Variants in TSHZ1 observed in about 807,000 individuals in gnomAD.
TSHZ1 encodes teashirt zinc finger homeobox 1.
In TSHZ1, 12 loss-of-function variants were observed where a neutral mutation model predicts 67.1. The observed-to-expected ratio is 0.18, with a 90% CI of 0.11 to 0.29. The LOEUF is 0.29. Ranked by LOEUF, TSHZ1 falls within the 10% of genes least tolerant of loss-of-function variation. The probability of loss-of-function intolerance (pLI) is 1.00; values close to 1 mark genes in which losing one functional copy is unlikely to be tolerated. For synonymous variants in TSHZ1, 632 were observed against 622.4 expected (o/e 1.02, Z -0.23); for missense variants, 1,305 against 1,413.9 (o/e 0.92, Z 1.23).
At position 75,288,117 on chromosome 18, in the gene TSHZ1, T is replaced by A; in HGVS notation, c.2710T>A (p.Phe904Ile). 6.2e-7 allele frequency: 1 copy of A among 1,613,786 alleles called. No homozygotes were observed. The highest frequency in any genetic ancestry group is 2.2e-5 in the East Asian group (1 of 44,878). ...GCACCTTCTCATCCTGCAGGCCCAG[T>A]TCGCCTCGAGCTTGCGGGAGACCAC... ...PQHLLILQAQFASSLRETTEG... is the reference protein window; with the variant it reads ...PQHLLILQAQIASSLRETTEG... The change falls in exon 2 of 2, where the codon TTC (phenylalanine) becomes ATC (isoleucine). Residue 904 changes from phenylalanine to isoleucine, a missense_variant. Physicochemically the swap from Phe to Ile is conservative, Grantham distance 21. Around this residue, in one of 3 missense-constraint regions of TSHZ1, gnomAD observed 909 missense variants for 961.8 expected, o/e 0.95. Transcript: ENST00000580243. This position sits in a 1 kb window ranked among gnomAD's most constrained non-coding sequence, Gnocchi z 4.9.
At chr18:75,213,623 A>T (rs982681467) in intron 1 of TSHZ1, among the ~76,000 whole-genome samples, 8 of 147,670 alleles carry the variant, frequency 5.4e-5, no homozygotes, top group Non-Finnish European at 1.1e-4. Context: ...TAAATACCAC[A>T]TTTTTTTTTT....
chr18:75,249,271 C>T (rs1173441613), intron 1 of TSHZ1, among the ~76,000 whole-genome samples: 1 of 152,170 alleles, frequency 6.6e-6, no homozygotes, highest in African/African-American at 2.4e-5. Context: ...GGTTGAGAGC[C>T]CTGGGTGCCT....
chr18:75,265,936 G>A (rs2023485565), intron 1 of TSHZ1, among the ~76,000 whole-genome samples: 1 of 152,158 alleles, frequency 6.6e-6, no homozygotes, highest in South Asian at 2.1e-4. Context: ...TTGGGAATCA[G>A]TTTACAAAAG....
intron 1 of TSHZ1, among the ~76,000 whole-genome samples, chr18:75,279,482 C>G (rs78094272): frequency 6.6e-6 from 1 of 152,132 alleles, no homozygotes; most frequent in Non-Finnish European, 1.5e-5. Flanking sequence ...AGCCGCCGGC[C>G]CTCCTGTTTG....
At chr18:75,250,008 C>T (rs1247695839) in intron 1 of TSHZ1, among the ~76,000 whole-genome samples, 1 of 148,660 alleles carries the variant, frequency 6.7e-6, no homozygotes, top group Non-Finnish European at 1.5e-5. Flanking sequence ...CTCACCCCTG[C>T]AGTAGGTGGA....
intron 1 of TSHZ1, among the ~76,000 whole-genome samples, chr18:75,224,061 TA>T (rs11347694): frequency 0.87 from 102,342 of 117,786 alleles, 45,050 homozygotes; most frequent in East Asian, 0.98. Flanking sequence ...TTTAAACTTG[TA>T]AAAAAAAAAA....
chr18:75,211,996 G>A, intron 1 of TSHZ1, 80 bp downstream of exon 1: 6 of 1,103,252 alleles, frequency 5.4e-6, no homozygotes, highest in Non-Finnish European at 5.7e-6. Context: ...CCGAGGTGCG[G>A]GACGTGGGCC....
At position 75,247,793 on chromosome 18, in the gene TSHZ1, G is replaced by A. The variant is rs555191126; in HGVS notation, c.40+35877G>A. On this transcript the variant is annotated intron_variant, in intron 1 of 1. Coordinates refer to ENST00000580243, the MANE Select transcript of TSHZ1 (RefSeq NM_001308210.2). ...CACAGCTTTGTCCTTCTTTTGAAGTGTGAAAAATATCAGTGACCTTATCAT... is the reference window on the plus strand; with the variant it reads ...CACAGCTTTGTCCTTCTTTTGAAGTATGAAAAATATCAGTGACCTTATCAT... Among the ~76,000 whole-genome samples the A allele has an allele frequency of 3.3e-5, 5 of 151,730 alleles. No individual in the cohort carries two copies. In the East Asian group the frequency reaches 7.8e-4, roughly 24 times the overall value.
rs184252974 is a variant in TSHZ1 at position 75,285,231 on chromosome 18, T to A, written c.41-217T>A. The A allele has an allele frequency of 1.2e-4, 53 of 428,406 alleles. No individual in the cohort carries two copies. In the East Asian group the frequency reaches 1.8e-3, roughly 15 times the overall value. 26.5% of individuals were successfully genotyped at this position (428,406 alleles called of 1,614,324 possible). ...TTGGGACGAGCACAGGACATCATCC[T>A]CCAGCTCAGTCCCCTTTGCTAAAGA... On this transcript the variant is annotated intron_variant, in intron 1 of 1. Coordinates refer to ENST00000580243, the MANE Select transcript of TSHZ1 (RefSeq NM_001308210.2).
rs780689297 is a variant in TSHZ1 at position 75,286,079 on chromosome 18, C to T, written c.672C>T (p.Ser224=). 8 of 1,612,698 alleles carry T rather than the reference C, an allele frequency of 5.0e-6. No homozygotes were observed. The African/African-American group carries it at 8.0e-5, about 16-fold the overall frequency. Residue 224 remains serine, a synonymous_variant, in exon 2 of 2, where the codon AGC becomes AGT. Transcript: ENST00000580243. The surrounding 1 kb of genome is among the most constrained non-coding windows in gnomAD (Gnocchi z 5.1). ...YGLLPEPSLF[S]TVQLYRQNNK... ...TGCTTCCTGAGCCCAGCCTGTTCAG[C>T]ACCGTGCAGCTCTACCGCCAGAACA...
At chr18:75,217,706 G>A (rs1396082704) in intron 1 of TSHZ1, among the ~76,000 whole-genome samples, 1 of 152,144 alleles carries the variant, frequency 6.6e-6, no homozygotes. Context: ...TTATGTATAT[G>A]GGTTTCTACC....
Position 75,285,892 on chromosome 18 carries a change from C to T in TSHZ1, c.485C>T (p.Thr162Ile). The change falls in exon 2 of 2, where the codon ACC becomes ATC. Residue 162 changes from threonine to isoleucine, a missense_variant. Transcript: ENST00000580243. ...ESSAPTPTPPTCPVSTTGPTT... is the reference protein window; with the variant it reads ...ESSAPTPTPPICPVSTTGPTT... ...TCCGCCCCCACCCCCACACCCCCCA[C>T]CTGCCCCGTCAGCACCACTGGCCCC... The T allele has an allele frequency of 6.5e-7, 1 of 1,537,038 alleles. No homozygotes were observed. Among genetic ancestry groups the T allele is most frequent in the South Asian group, 1.2e-5 (1 of 83,056 alleles).
chr18:75,247,329 G>A (rs922861263), intron 1 of TSHZ1, among the ~76,000 whole-genome samples: 3 of 152,142 alleles, frequency 2.0e-5, no homozygotes, highest in Admixed American at 6.5e-5. Flanking sequence ...CTCCTGCCAG[G>A]GGGGGCTGTG....
In TSHZ1 at chr18:75,286,601, C is replaced by T; in HGVS notation, c.1194C>T (p.Tyr398=). 2 of 1,614,214 alleles carry T rather than the reference C, an allele frequency of 1.2e-6. No individual in the cohort carries two copies. Among genetic ancestry groups the T allele is most frequent in the Non-Finnish European group, 8.5e-7 (1 of 1,180,032 alleles). ...PYVTPNNRYG[Y]QNGASYTWQF... ...TCACGCCCAATAACCGCTATGGCTA[C>T]CAGAATGGCGCCAGCTACACCTGGC... The change falls in exon 2 of 2, where the codon TAC becomes TAT. Residue 398 remains tyrosine, a synonymous_variant. Coordinates refer to ENST00000580243, the MANE Select transcript of TSHZ1 (RefSeq NM_001308210.2). The surrounding 1 kb of genome is among the most constrained non-coding windows in gnomAD (Gnocchi z 5.1).
Position 75,211,369 on chromosome 18 carries a change from T to C in TSHZ1, c.-508T>C, listed in dbSNP as rs1599364563. On this transcript the variant is annotated 5_prime_UTR_variant, in exon 1 of 2. It removes the in-frame stop codon of an upstream open reading frame in the 5' UTR. Transcript: ENST00000580243. ...AATGAGAAAGCTGCGACCCGCGCAC[T>C]AAAAACACTCGCCGCGACCCCCAAA... is the stretch of plus-strand genomic sequence containing the variant. 6.6e-6 allele frequency: 1 copy of C among 151,670 alleles called. No individual in the cohort carries two copies. Among genetic ancestry groups the C allele is most frequent in the Non-Finnish European group, 1.5e-5 (1 of 67,912 alleles). The allele number at this position is 151,670 out of a possible 1,614,324, so 9.4% of individuals were successfully genotyped here.
intron 1 of TSHZ1, among the ~76,000 whole-genome samples, chr18:75,235,129 A>G (rs565594092): frequency 1.3e-5 from 2 of 152,108 alleles, no homozygotes; most frequent in Non-Finnish European, 2.9e-5. Context: ...GTGAGGGTTT[A>G]ATCAGCACAG....
At chr18:75,272,038 A>T (rs1024854402) in intron 1 of TSHZ1, among the ~76,000 whole-genome samples, 2 of 152,216 alleles carry the variant, frequency 1.3e-5, no homozygotes, top group Non-Finnish European at 2.9e-5. Context: ...TAAGTAATGG[A>T]AACAGGTTAA....
intron 1 of TSHZ1, among the ~76,000 whole-genome samples, chr18:75,233,597 G>C (rs947683993): frequency 6.6e-6 from 1 of 152,208 alleles, no homozygotes; most frequent in Non-Finnish European, 1.5e-5. Flanking sequence ...GGGGGACATA[G>C]TATGAGTCAG....
chr18:75,237,106 G>A (rs144368646), intron 1 of TSHZ1, among the ~76,000 whole-genome samples: 2 of 152,290 alleles, frequency 1.3e-5, no homozygotes, highest in South Asian at 2.1e-4. Flanking sequence ...TTCTTCAGAC[G>A]TGTCAACAGT....
Sources: allele counts gnomAD v4.1 joint callset (sites outside exome capture counted in the v4.1 genomes callset), GRCh38; gene constraint gnomAD v4.1.1; regional missense constraint gnomAD v4.1.1; non-coding constraint Gnocchi (gnomAD v3.1); transcripts MANE v1.5; gene names NCBI Gene and HGNC (gene_info 2026-07-23, HGNC 2026-07-21).